Variants in IPCEF1 observed in about 807,000 individuals in gnomAD.
IPCEF1 encodes interaction protein for cytohesin exchange factors 1.
IPCEF1 carries 31 observed loss-of-function variants against 50.9 expected under a neutral mutation model. That is an observed-to-expected ratio of 0.61 (90% CI 0.46 to 0.82). IPCEF1 has a LOEUF of 0.82. Ranked by LOEUF, IPCEF1 falls within the 40% of genes least tolerant of loss-of-function variation. The probability of loss-of-function intolerance (pLI) is 0.00; values close to 1 mark genes in which losing one functional copy is unlikely to be tolerated. For missense variants in IPCEF1, 458 were observed against 514.0 expected (o/e 0.89, Z 1.05); for synonymous variants, 181 against 192.0 (o/e 0.94, Z 0.47).
At chr6:154,217,681 A>G (rs1300336050) in intron 7 of IPCEF1, among the ~76,000 whole-genome samples, 2 of 152,210 alleles carry the variant, frequency 1.3e-5, no homozygotes, top group Non-Finnish European at 2.9e-5. Context: ...TTTAAAATTG[A>G]CCAGGCAAAA....
intron 11 of IPCEF1, among the ~76,000 whole-genome samples, chr6:154,164,962 C>T (rs1799311465): frequency 1.3e-5 from 2 of 152,138 alleles, no homozygotes; most frequent in African/African-American, 4.8e-5. Context: ...TGCATTCATT[C>T]CAGTACTATC....
At chr6:154,178,803 C>T (rs1800578843) in intron 10 of IPCEF1, among the ~76,000 whole-genome samples, 1 of 152,174 alleles carries the variant, frequency 6.6e-6, no homozygotes, top group Non-Finnish European at 1.5e-5. Context: ...CAAATTATCA[C>T]TCAGCTTCCT....
chr6:154,252,772 G>A (rs768351615), intron 3 of IPCEF1, among the ~76,000 whole-genome samples: 2 of 152,174 alleles, frequency 1.3e-5, no homozygotes, highest in Non-Finnish European at 2.9e-5. Flanking sequence ...AGACCAATCC[G>A]AGTGGGTTGA....
At chr6:154,199,140 T>G (rs1369654067) in intron 10 of IPCEF1, among the ~76,000 whole-genome samples, 1 of 152,250 alleles carries the variant, frequency 6.6e-6, no homozygotes, top group Admixed American at 6.5e-5. Context: ...CTCCTTTATA[T>G]GTAAAGGTTC....
chr6:154,287,861 A>G (rs1782402021), intron 2 of IPCEF1, among the ~76,000 whole-genome samples: 2 of 152,240 alleles, frequency 1.3e-5, no homozygotes, highest in South Asian at 4.1e-4. Flanking sequence ...CATATCATCA[A>G]TGAAAAATAT....
intron 1 of IPCEF1, among the ~76,000 whole-genome samples, chr6:154,292,440 A>G (rs552947639): frequency 7.9e-5 from 12 of 152,226 alleles, no homozygotes; most frequent in Non-Finnish European, 1.3e-4. Context: ...AATTTGCGCT[A>G]CAATCGCATG....
chr6:154,235,157 C>T (rs899445353), intron 5 of IPCEF1, among the ~76,000 whole-genome samples: 3 of 152,148 alleles, frequency 2.0e-5, no homozygotes, highest in Non-Finnish European at 4.4e-5. Flanking sequence ...GGTTATTACA[C>T]GAGTTGGGAG....
chr6:154,265,314 T>C (rs1781726833), intron 3 of IPCEF1, among the ~76,000 whole-genome samples: 1 of 151,964 alleles, frequency 6.6e-6, no homozygotes, highest in Non-Finnish European at 1.5e-5. Flanking sequence ...GGAGTCTCGC[T>C]CTGTTGCCCA....
intron 1 of IPCEF1, among the ~76,000 whole-genome samples, chr6:154,300,888 G>T (rs1472859588): frequency 6.6e-6 from 1 of 152,196 alleles, no homozygotes; most frequent in Admixed American, 6.5e-5. Context: ...TAATGGAGAA[G>T]TTGCCCTGTT....
intron 5 of IPCEF1, among the ~76,000 whole-genome samples, chr6:154,227,551 T>C (rs967331334): frequency 6.6e-6 from 1 of 152,068 alleles, no homozygotes; most frequent in Admixed American, 6.5e-5. Flanking sequence ...AAATCCCATC[T>C]CTGCAAAAGT....
chr6:154,192,665 G>GAA (rs59125446), intron 10 of IPCEF1, among the ~76,000 whole-genome samples: 7 of 147,290 alleles, frequency 4.8e-5, no homozygotes, highest in South Asian at 2.1e-4. Flanking sequence ...AAATTAGGAA[G>GAA]AAAAAAAAAT....
intron 11 of IPCEF1, among the ~76,000 whole-genome samples, chr6:154,162,688 C>G (rs554362918): frequency 7.7e-6 from 1 of 129,802 alleles, no homozygotes; most frequent in African/African-American, 2.9e-5. Flanking sequence ...CAGCTTGTAT[C>G]CTGTTCTCTG....
chr6:154,271,293 T>C (rs73001489), intron 2 of IPCEF1, among the ~76,000 whole-genome samples: 1 of 151,728 alleles, frequency 6.6e-6, no homozygotes, highest in Non-Finnish European at 1.5e-5. Flanking sequence ...ACCCAGGAGG[T>C]CAAGGTTGGT....
chr6:154,238,047 A>G (rs893438080), intron 5 of IPCEF1, among the ~76,000 whole-genome samples: 9 of 152,350 alleles, frequency 5.9e-5, no homozygotes, highest in African/African-American at 2.2e-4. Flanking sequence ...TCATATATGC[A>G]TATATAATTC....
At chr6:154,320,085 A>G (rs6920895) in intron 1 of IPCEF1, among the ~76,000 whole-genome samples, 4,350 of 152,250 alleles carry the variant, frequency 0.029, 65 homozygotes, top group Middle Eastern at 0.078. Context: ...TGTTGTTTTC[A>G]GTTTCAATCT....
At chr6:154,258,684 C>A (rs1316821854) in intron 3 of IPCEF1, among the ~76,000 whole-genome samples, 1 of 152,146 alleles carries the variant, frequency 6.6e-6, no homozygotes, top group Admixed American at 6.5e-5. Context: ...TTAGTCAGAT[C>A]CATATCAGTT....
chr6:154,168,181 T>C lies in IPCEF1; in HGVS notation c.911-68A>G. 1 of 1,229,858 alleles carries C rather than the reference T, an allele frequency of 8.1e-7. No homozygotes were observed. Among genetic ancestry groups the C allele is most frequent in the South Asian group, 1.7e-5 (1 of 57,906 alleles). 76.2% of individuals were successfully genotyped at this position (1,229,858 alleles called of 1,614,324 possible). A position where few individuals can be genotyped will look rare whatever the true frequency, so the allele number is the denominator to read the frequency against. On this transcript the variant is annotated intron_variant, in intron 10 of 11. Transcript: ENST00000367220. This position sits in a 1 kb window ranked among gnomAD's most constrained non-coding sequence, Gnocchi z 4.1. ...GAAAAATCAAGGAGAGAACATTCAA[T>C]ACTGTGGTCCCAAGGCACGGCCCCA...
At chr6:154,220,312 G>T (rs790263) in intron 7 of IPCEF1, among the ~76,000 whole-genome samples, 77,019 of 151,946 alleles carry the variant, frequency 0.51, 20,090 homozygotes, top group African/African-American at 0.6. Context: ...CTAAATCAAA[G>T]AGAATGCCCT....
rs565510493 is a variant in IPCEF1, at chr6:154,226,970, G to A, written c.247-3727C>T. On this transcript the variant is annotated intron_variant, in intron 5 of 11. Coordinates refer to ENST00000367220, the MANE Select transcript of IPCEF1 (RefSeq NM_001130700.2). The stretch of plus-strand genomic sequence containing the variant: ...CCAGCACTTTGGGAGGCCAAGGTGG[G>A]CGGATCACCTGAGGTTAGGAGTTTG... 3.3e-5 allele frequency among the ~76,000 whole-genome samples: 5 copies of A among 152,212 alleles called. No individual in the cohort carries two copies. In the South Asian group the frequency reaches 1.0e-3, roughly 32 times the overall value.
Sources: allele counts gnomAD v4.1 joint callset (sites outside exome capture counted in the v4.1 genomes callset), GRCh38; gene constraint gnomAD v4.1.1; non-coding constraint Gnocchi (gnomAD v3.1); transcripts MANE v1.5; gene names NCBI Gene and HGNC (gene_info 2026-07-23, HGNC 2026-07-21).